Variants in TMEM117 observed in about 807,000 individuals in gnomAD.
TMEM117 encodes transmembrane protein 117.
In TMEM117, 27 loss-of-function variants were observed where a neutral mutation model predicts 52.4. That is an observed-to-expected ratio of 0.51 (90% CI 0.38 to 0.71). The LOEUF is 0.71. Among genes scored for constraint, TMEM117 ranks in the 30% least tolerant of loss-of-function variants. TMEM117 has a pLI of 0.00. For synonymous variants in TMEM117, 215 were observed against 206.3 expected (o/e 1.04, Z -0.36); for missense variants, 556 against 630.5 (o/e 0.88, Z 1.26).
chr12:43,835,748 G>A (rs923651757), upstream of TMEM117, among the ~76,000 whole-genome samples: 2 of 152,070 alleles, frequency 1.3e-5, no homozygotes, highest in Admixed American at 6.5e-5. Context: ...TCCGTCCCTC[G>A]CCTGCAGCTG....
At chr12:43,965,701 T>A (rs1259678108) in intron 3 of TMEM117, among the ~76,000 whole-genome samples, 1 of 152,222 alleles carries the variant, frequency 6.6e-6, no homozygotes, top group Non-Finnish European at 1.5e-5. Context: ...CTGCTTGGAC[T>A]GAGATTAGGA....
intron 2 of TMEM117, among the ~76,000 whole-genome samples, chr12:43,857,067 A>G (rs1396891937): frequency 6.6e-6 from 1 of 152,126 alleles, no homozygotes; most frequent in Non-Finnish European, 1.5e-5. Context: ...GGACATGGCC[A>G]TTTCCTCCCA....
At chr12:43,923,409 C>T (rs1208304841) in intron 2 of TMEM117, among the ~76,000 whole-genome samples, 1 of 152,182 alleles carries the variant, frequency 6.6e-6, no homozygotes, top group Non-Finnish European at 1.5e-5. Flanking sequence ...CATCTGGTCA[C>T]ACATTTTTCA....
chr12:44,350,353 G>T (rs758476798), intron 6 of TMEM117, among the ~76,000 whole-genome samples: 3 of 151,842 alleles, frequency 2.0e-5, no homozygotes, highest in Non-Finnish European at 4.4e-5. Flanking sequence ...ATGGAAATTG[G>T]ATTATCTGTG....
intron 4 of TMEM117, among the ~76,000 whole-genome samples, chr12:44,180,744 G>C (rs572268121): frequency 6.6e-5 from 10 of 151,964 alleles, no homozygotes; most frequent in Non-Finnish European, 1.5e-4. Flanking sequence ...TCTTAATCCA[G>C]TCTATCATTG....
At chr12:44,241,694 A>G (rs1342712207) in intron 5 of TMEM117, among the ~76,000 whole-genome samples, 3 of 151,264 alleles carry the variant, frequency 2.0e-5, no homozygotes, top group Admixed American at 2.0e-4. Context: ...TTATGAGATA[A>G]GAAACATGCC....
intron 2 of TMEM117, among the ~76,000 whole-genome samples, chr12:43,910,275 C>A (rs1214058409): frequency 5.3e-5 from 8 of 151,344 alleles, no homozygotes; most frequent in Non-Finnish European, 1.0e-4. Context: ...GCAGAAAAGG[C>A]CTTTGACAAA....
intron 3 of TMEM117, among the ~76,000 whole-genome samples, chr12:43,969,392 G>C (rs1287625028): frequency 7.3e-6 from 1 of 137,160 alleles, no homozygotes; most frequent in African/African-American, 3.0e-5. Flanking sequence ...GCATGGGGGC[G>C]GGTGCCTGTA....
intron 6 of TMEM117, among the ~76,000 whole-genome samples, chr12:44,314,629 C>T (rs1951032383): frequency 1.3e-5 from 2 of 149,708 alleles, no homozygotes; most frequent in Non-Finnish European, 3.0e-5. Context: ...TGCAGTGGCG[C>T]AATTTCAGCT....
At chr12:44,037,511 G>C (rs1946728312) in intron 3 of TMEM117, among the ~76,000 whole-genome samples, 1 of 152,166 alleles carries the variant, frequency 6.6e-6, no homozygotes, top group African/African-American at 2.4e-5. Context: ...CCAGGCTCCA[G>C]ATAGGCTCCT....
At chr12:44,306,541 A>G (rs145259578) in intron 6 of TMEM117, among the ~76,000 whole-genome samples, 49 of 152,296 alleles carry the variant, frequency 3.2e-4, no homozygotes, top group African/African-American at 9.1e-4. Flanking sequence ...ATCTTTCAAT[A>G]CTTCTGTCTC....
intron 3 of TMEM117, among the ~76,000 whole-genome samples, chr12:43,970,540 G>A (rs574156411): frequency 2.2e-4 from 33 of 152,104 alleles, no homozygotes; most frequent in African/African-American, 6.5e-4. Flanking sequence ...CGCCTGGCTC[G>A]GCCTCTCAAA....
chr12:43,839,777 C>T (rs556751599), intron 1 of TMEM117, among the ~76,000 whole-genome samples: 1 of 152,354 alleles, frequency 6.6e-6, no homozygotes, highest in South Asian at 2.1e-4. Context: ...AAATAGGCAA[C>T]TGGTAAATGT....
intron 5 of TMEM117, among the ~76,000 whole-genome samples, chr12:44,234,249 C>A (rs1259843752): frequency 6.6e-6 from 1 of 151,296 alleles, no homozygotes; most frequent in Non-Finnish European, 1.5e-5. Context: ...GAGAAATTTT[C>A]TTTATTAATT....
the TMEM117 span, among the ~76,000 whole-genome samples, chr12:43,819,796 G>C: frequency 6.6e-6 from 1 of 151,936 alleles, no homozygotes; most frequent in African/African-American, 2.4e-5. Context: ...GAAAGAGAGA[G>C]AGAGGGAGAG....
intron 2 of TMEM117, among the ~76,000 whole-genome samples, chr12:43,886,983 G>A (rs1041958599): frequency 2.2e-4 from 33 of 152,188 alleles, no homozygotes; most frequent in Admixed American, 5.2e-4. Flanking sequence ...GAGTAGCTGG[G>A]ACTACAGGCA....
intron 5 of TMEM117, among the ~76,000 whole-genome samples, chr12:44,274,435 A>G (rs1950486972): frequency 6.6e-6 from 1 of 152,164 alleles, no homozygotes; most frequent in Non-Finnish European, 1.5e-5. Context: ...GACATTCTTC[A>G]CAAAAATAGG....
At chr12:44,145,046 A>G (rs1024202986) in intron 4 of TMEM117, among the ~76,000 whole-genome samples, 7 of 152,010 alleles carry the variant, frequency 4.6e-5, no homozygotes, top group Non-Finnish European at 8.8e-5. Flanking sequence ...AGTCCCAGCT[A>G]CTCGGGAGGC....
intron 6 of TMEM117, among the ~76,000 whole-genome samples, chr12:44,352,105 C>T (rs1036294891): frequency 1.3e-5 from 2 of 151,966 alleles, no homozygotes. Flanking sequence ...GACATATATG[C>T]ATGGTAAGTA....
Sources: gnomAD v4.1 joint callset for allele counts (sites outside exome capture counted in the v4.1 genomes callset) on GRCh38, gnomAD v4.1.1 for gene constraint, MANE v1.5 for transcripts, NCBI Gene and HGNC (gene_info 2026-07-23, HGNC 2026-07-21) for gene names.